ME3: variants seen among roughly 807,000 people sequenced by gnomAD.
ME3 encodes malic enzyme 3.
ME3 carries 48 observed loss-of-function variants against 68.9 expected under a neutral mutation model. That is an observed-to-expected ratio of 0.70 (90% CI 0.55 to 0.89). ME3 has a LOEUF of 0.89. ME3 is among the 40% of genes least tolerant of loss of function. ME3 has a pLI of 0.00. For missense variants in ME3, 675 were observed against 797.4 expected (o/e 0.85, Z 1.85); for synonymous variants, 320 against 318.8 (o/e 1.00, Z -0.04).
intron 7 of ME3, among the ~76,000 whole-genome samples, chr11:86,474,803 C>T (rs535841769): frequency 1.3e-4 from 20 of 152,322 alleles, no homozygotes; most frequent in Non-Finnish European, 2.4e-4. Flanking sequence ...CCTTGATCAA[C>T]GCTGCAGGCA....
chr11:86,556,620 G>T (rs1956940732), exon 4 of ME3: 1 of 1,614,064 alleles, frequency 6.2e-7, no homozygotes. Context: ...TACACGATTG[G>T]CATGAACTTC....
intron 7 of ME3, among the ~76,000 whole-genome samples, chr11:86,474,071 G>A (rs989517949): frequency 4.6e-5 from 7 of 152,192 alleles, no homozygotes; most frequent in African/African-American, 1.7e-4. Context: ...TGGCACGGAA[G>A]TCGTGGAAGG....
intron 2 of ME3, among the ~76,000 whole-genome samples, chr11:86,609,235 C>CA (rs1942384492): frequency 1.3e-5 from 2 of 152,106 alleles, no homozygotes; most frequent in Admixed American, 6.6e-5. Flanking sequence ...TGAGTAGTCC[C>CA]AGGTACCCAA....
intron 2 of ME3, among the ~76,000 whole-genome samples, chr11:86,650,731 T>C (rs190404334): frequency 1.4e-4 from 21 of 152,288 alleles, no homozygotes; most frequent in African/African-American, 4.3e-4. Context: ...TCACCAGGGA[T>C]TGTCAGACAG....
At chr11:86,626,066 G>C (rs894575485) in intron 2 of ME3, among the ~76,000 whole-genome samples, 1 of 152,196 alleles carries the variant, frequency 6.6e-6, no homozygotes, top group East Asian at 1.9e-4. Context: ...AGATATGACA[G>C]AGGGGACTGA....
At chr11:86,560,821 C>A (rs1957195317) in intron 2 of ME3, among the ~76,000 whole-genome samples, 1 of 147,950 alleles carries the variant, frequency 6.8e-6, no homozygotes, top group Non-Finnish European at 1.5e-5. Context: ...CATCATGTCT[C>A]CTTAGGCTCC....
At chr11:86,621,708 A>T (rs1019876901) in intron 2 of ME3, among the ~76,000 whole-genome samples, 4 of 152,150 alleles carry the variant, frequency 2.6e-5, no homozygotes, top group Admixed American at 6.5e-5. Context: ...CTTCAGCATA[A>T]TTTGATAATA....
chr11:86,576,311 C>G (rs1360967554), intron 2 of ME3, among the ~76,000 whole-genome samples: 1 of 152,138 alleles, frequency 6.6e-6, no homozygotes, highest in South Asian at 2.1e-4. Context: ...CCACACAGAT[C>G]TTAATGATAG....
chr11:86,659,411 C>T (rs1024056196), intron 2 of ME3, among the ~76,000 whole-genome samples: 9 of 152,160 alleles, frequency 5.9e-5, no homozygotes, highest in South Asian at 4.2e-4. Context: ...TTCCCCTTCA[C>T]CACTTACTTC....
chr11:86,531,235 G>C (rs1004176952), intron 4 of ME3, among the ~76,000 whole-genome samples: 3 of 152,170 alleles, frequency 2.0e-5, no homozygotes, highest in Non-Finnish European at 4.4e-5. Flanking sequence ...GCAGCCAAAA[G>C]ACACATCAAG....
At chr11:86,512,727 G>A (rs868031740) in intron 4 of ME3, among the ~76,000 whole-genome samples, 2 of 152,290 alleles carry the variant, frequency 1.3e-5, no homozygotes, top group South Asian at 2.1e-4. Context: ...GACTTGGGGA[G>A]TGCAGGGCTC....
intron 2 of ME3, among the ~76,000 whole-genome samples, chr11:86,615,978 C>A (rs574485624): frequency 1.1e-4 from 16 of 152,196 alleles, no homozygotes; most frequent in Non-Finnish European, 1.6e-4. Context: ...GGAAGTAAAA[C>A]TTATAGTCTC....
chr11:86,672,066 CAGGT>C, intron 1 of ME3, 108 bp from the exon 2 acceptor site: 9 of 908,676 alleles, frequency 9.9e-6, no homozygotes, highest in Non-Finnish European at 1.3e-5. Flanking sequence ...TGGGAGAGGG[CAGGT>C]GCTCCCAAAG....
At chr11:86,660,775 C>T (rs1455512799) in intron 2 of ME3, among the ~76,000 whole-genome samples, 1 of 152,148 alleles carries the variant, frequency 6.6e-6, no homozygotes, top group Non-Finnish European at 1.5e-5. Context: ...TTGATAATCT[C>T]ATCACAAAAG....
chr11:86,557,594 G>A (rs574014736), intron 3 of ME3, among the ~76,000 whole-genome samples: 1 of 152,138 alleles, frequency 6.6e-6, no homozygotes, highest in African/African-American at 2.4e-5. Flanking sequence ...TGTGAACTTG[G>A]GAAAGTCTTG....
intron 2 of ME3, among the ~76,000 whole-genome samples, chr11:86,625,229 G>C (rs1167963555): frequency 6.6e-6 from 1 of 152,010 alleles, no homozygotes; most frequent in Admixed American, 6.6e-5. Context: ...GTCCGAGAAA[G>C]CTTGGGTAGA....
Position 86,574,963 on chromosome 11 carries a change from C to A in ME3, c.184-15140G>T, listed in dbSNP as rs1958017053. Among the ~76,000 whole-genome samples the A allele has an allele frequency of 2.5e-5, 3 of 117,992 alleles. 1 individual carries two copies. In the South Asian group the frequency reaches 7.1e-4, roughly 28 times the overall value. 77.4% of individuals were successfully genotyped at this position (117,992 alleles called of 152,430 possible). On this transcript the variant is annotated intron_variant, in intron 2 of 14. Coordinates refer to ENST00000543262, the Ensembl canonical transcript of ME3. ...ATGTTCACTCCATTTTCTGTGAACA[C>A]TGGCAGCTTGCAACCCTGACAGGTT...
chr11:86,565,214 C>T (rs1324341090), intron 2 of ME3, among the ~76,000 whole-genome samples: 2 of 151,926 alleles, frequency 1.3e-5, no homozygotes, highest in African/African-American at 4.8e-5. Flanking sequence ...CACACACACA[C>T]CCCCCCTAGG....
chr11:86,610,748 A>G (rs1325286770), intron 2 of ME3, among the ~76,000 whole-genome samples: 1 of 152,212 alleles, frequency 6.6e-6, no homozygotes, highest in East Asian at 1.9e-4. Flanking sequence ...GCTCACAAGC[A>G]TGAACAATAA....
Sources: allele counts gnomAD v4.1 joint callset (sites outside exome capture counted in the v4.1 genomes callset), GRCh38; gene constraint gnomAD v4.1.1; transcripts MANE v1.5; gene names NCBI Gene and HGNC (gene_info 2026-07-23, HGNC 2026-07-21).